RAB40B: variants seen among roughly 807,000 people sequenced by gnomAD.
RAB40B encodes RAB40B, member RAS oncogene family.
A neutral mutation model predicts 24.0 loss-of-function variants in RAB40B; 21 were observed. The ratio of observed to expected loss-of-function variants is 0.88; its 90% CI spans 0.62 to 1.26. The LOEUF (loss-of-function observed/expected upper bound fraction) is 1.26, where lower values mean the gene tolerates loss of function less well. RAB40B is among the 50% of genes most tolerant of loss of function. The probability of loss-of-function intolerance (pLI) is 0.00; values close to 1 mark genes in which losing one functional copy is unlikely to be tolerated. For synonymous variants in RAB40B, 167 were observed against 169.8 expected (o/e 0.98, Z 0.13); for missense variants, 348 against 390.5 (o/e 0.89, Z 0.92).
chr17:82,660,107 G>A (rs1164864840), intron 3 of RAB40B, among the ~76,000 whole-genome samples: 1 of 149,056 alleles, frequency 6.7e-6, no homozygotes, highest in African/African-American at 2.5e-5. Context: ...CACAGACACA[G>A]TGCACATACC....
At chr17:82,673,538 T>C (rs112673604) in intron 1 of RAB40B, among the ~76,000 whole-genome samples, 69 of 152,280 alleles carry the variant, frequency 4.5e-4, no homozygotes, top group Non-Finnish European at 7.6e-4. Context: ...CGTCTGAAAA[T>C]GTCTTTAGGC....
At position 82,661,110 on chromosome 17, in the gene RAB40B, G is replaced by T. The variant is rs1386075564; in HGVS notation, c.204-63C>A. 1.7e-5 allele frequency: 26 copies of T among 1,571,132 alleles called. No homozygotes were observed. In the Admixed American group the frequency reaches 4.2e-4, roughly 26 times the overall value. On this transcript the variant is annotated intron_variant, in intron 2 of 5. Transcript: ENST00000571995. ...TGCTTCTTCCTGACAACAGGTTCTG[G>T]AACTTCAGAGCCACAGCAAGTGCAC...
chr17:82,674,277 TGC>T (rs1469227556), intron 1 of RAB40B, among the ~76,000 whole-genome samples: 1 of 150,954 alleles, frequency 6.6e-6, no homozygotes, highest in African/African-American at 2.4e-5. Flanking sequence ...AGGCGGAGGT[TGC>T]AGTGAGCCAA....
chr17:82,660,814 T>C (rs905831787), intron 3 of RAB40B, among the ~76,000 whole-genome samples, 173 bp downstream of exon 3: 3 of 152,224 alleles, frequency 2.0e-5, no homozygotes, highest in African/African-American at 7.2e-5. Context: ...ACTGATGAAG[T>C]CTTTCAAACA....
rs906668979 is a variant in RAB40B, at chr17:82,656,645, C to T, written c.*1218G>A. On this transcript the variant is annotated 3_prime_UTR_variant, in exon 6 of 6. Coordinates refer to ENST00000571995, the MANE Select transcript of RAB40B (RefSeq NM_006822.3). ...CAGTTCAAGGATTCAGCCTTGTTGCCAGTGTCGTGTATTAGCTCCGATATG... is the reference window on the plus strand; with the variant it reads ...CAGTTCAAGGATTCAGCCTTGTTGCTAGTGTCGTGTATTAGCTCCGATATG... 6.6e-6 allele frequency: 1 copy of T among 152,260 alleles called. No homozygotes were observed. Among genetic ancestry groups the T allele is most frequent in the Middle Eastern group, 3.2e-3 (1 of 316 alleles). 9.4% of individuals were successfully genotyped at this position (152,260 alleles called of 1,614,324 possible). A position where few individuals can be genotyped will look rare whatever the true frequency, so the allele number is the denominator to read the frequency against.
At chr17:82,683,316 C>G (rs1417826028) in intron 1 of RAB40B, among the ~76,000 whole-genome samples, 4 of 152,094 alleles carry the variant, frequency 2.6e-5, no homozygotes, top group Admixed American at 1.3e-4. Context: ...AACTGATCAA[C>G]TGGATTTCTT....
chr17:82,657,960 G>A lies in RAB40B; in HGVS notation c.740C>T (p.Ser247Phe), dbSNP rs768754845. 6.2e-7 allele frequency: 1 copy of A among 1,614,176 alleles called. No individual in the cohort carries two copies. Among genetic ancestry groups the A allele is most frequent in the Non-Finnish European group, 8.5e-7 (1 of 1,180,034 alleles). The stretch of plus-strand genomic sequence containing the variant: ...GCGGAGGCTGCTCCTTTTGTGGGTG[G>A]AGCTGGTGGTGAGGGAGTAGGAACC... ...HGGSYSLTTS[S>F]THKRSSLRKV... The change falls in exon 6 of 6, where the codon TCC becomes TTC. Residue 247 changes from serine (S) to phenylalanine (F), a missense_variant. Physicochemically the swap from Ser to Phe is radical, Grantham distance 155. Around this residue, in one of 3 missense-constraint regions of RAB40B, gnomAD observed 121 missense variants for 124.0 expected, o/e 0.98. Transcript: ENST00000571995.
In RAB40B at chr17:82,697,082, C is replaced by T. The variant is rs192710688; in HGVS notation, c.142+1373G>A. Among the ~76,000 whole-genome samples, 466 of 152,224 alleles carry T rather than the reference C, an allele frequency of 3.1e-3. 1 individual carries two copies. Among genetic ancestry groups the T allele is most frequent in the African/African-American group, 0.01 (436 of 41,534 alleles). Reference sequence around the variant, plus strand: ...CTGCACCCACCAGCTGCCAGAGACTCCCCCGCATGCTGCAGTTTCAGGAGG... The same window carrying T: ...CTGCACCCACCAGCTGCCAGAGACTTCCCCGCATGCTGCAGTTTCAGGAGG... On this transcript the variant is annotated intron_variant, in intron 1 of 5. Transcript: ENST00000571995. This position sits in a 1 kb window ranked among gnomAD's most constrained non-coding sequence, Gnocchi z 4.9.
chr17:82,658,277 C>T lies in RAB40B; in HGVS notation c.566-143G>A, dbSNP rs1264942473. The T allele has an allele frequency of 1.3e-5, 16 of 1,215,090 alleles. No homozygotes were observed. The Admixed American group carries it at 1.6e-4, about 12-fold the overall frequency. The allele number at this position is 1,215,090 out of a possible 1,614,324, so 75.3% of individuals were successfully genotyped here. On this transcript the variant is annotated intron_variant, in intron 5 of 5. Transcript: ENST00000571995. ...CTTGTACATGCAGCAAGCCCTGCCG[C>T]GACGTCCCCTCTGCCCACGTACAGA...
At chr17:82,698,411 CGG>C (rs2143572756) in intron 1 of RAB40B, 42 bp downstream of exon 1, 7 of 1,224,268 alleles carry the variant, frequency 5.7e-6, no homozygotes, top group Non-Finnish European at 7.2e-6. Flanking sequence ...CGCCCCTCCC[CGG>C]CCCCGCGCCC....
chr17:82,672,068 A>ACACT (rs542754796), intron 1 of RAB40B, among the ~76,000 whole-genome samples: 237 of 2,074 alleles, frequency 0.11, 3 homozygotes, highest in Non-Finnish European at 0.12. Flanking sequence ...TCTAACACAC[A>ACACT]CACATGCTCC....
intron 1 of RAB40B, among the ~76,000 whole-genome samples, chr17:82,694,462 G>A (rs920447564): frequency 6.6e-6 from 1 of 151,552 alleles, no homozygotes; most frequent in Non-Finnish European, 1.5e-5. Context: ...AACCTGGGAG[G>A]TGGAGGTTGC....
rs748537178 is a variant in RAB40B at position 82,663,455 on chromosome 17, G to C, written c.203+1041C>G. 6.6e-6 allele frequency among the ~76,000 whole-genome samples: 1 copy of C among 152,106 alleles called. No individual in the cohort carries two copies. On this transcript the variant is annotated intron_variant, in intron 2 of 5. Transcript: ENST00000571995. The surrounding 1 kb of genome is among the most constrained non-coding windows in gnomAD (Gnocchi z 6.2). ...TCCCCACCGCCCCAGAGCTGGAACC[G>C]CAGGAGCTCCCCCCATCCCAAGCCA...
At chr17:82,664,005 C>T (rs1456518214) in intron 2 of RAB40B, among the ~76,000 whole-genome samples, 2 of 129,622 alleles carry the variant, frequency 1.5e-5, no homozygotes, top group East Asian at 2.4e-4. Context: ...AGGGTGTTCC[C>T]GGGGGCGCTG....
rs1183184249 is a variant in RAB40B, at chr17:82,657,715, T to C, written c.*148A>G. 5.2e-6 allele frequency: 5 copies of C among 968,188 alleles called. No individual in the cohort carries two copies. Among genetic ancestry groups the C allele is most frequent in the South Asian group, 5.2e-5 (4 of 77,590 alleles). The allele number at this position is 968,188 out of a possible 1,614,324, so 60.0% of individuals were successfully genotyped here. A position where few individuals can be genotyped will look rare whatever the true frequency, so the allele number is the denominator to read the frequency against. ...AGAAATTCGAAGTCCGACGGGGTAG[T>C]GTGTTTCCATCACACGGAAGGCGTC... On this transcript the variant is annotated 3_prime_UTR_variant, in exon 6 of 6. Transcript: ENST00000571995.
In RAB40B at chr17:82,658,051, C is replaced by A. The variant is rs976072776; in HGVS notation, c.649G>T (p.Ala217Ser). Residue 217 changes from alanine to serine, a missense_variant, in exon 6 of 6, where the codon GCC becomes TCC. By Grantham distance (99) the Ala-to-Ser change is moderately conservative. Transcript: ENST00000571995. Reference protein sequence around the residue: ...HLVDKLPLPIALRSHLKSFSM... With the variant: ...HLVDKLPLPISLRSHLKSFSM... ...AAGGACTTGAGGTGGCTTCTTAAGG[C>A]AATGGGGAGCGGGAGCTTGTCCACC... The A allele has an allele frequency of 2.5e-6, 4 of 1,614,212 alleles. No homozygotes were observed. The highest frequency in any genetic ancestry group is 3.4e-6 in the Non-Finnish European group (4 of 1,180,048).
At chr17:82,674,079 G>T (rs977717192) in intron 1 of RAB40B, among the ~76,000 whole-genome samples, 2 of 152,212 alleles carry the variant, frequency 1.3e-5, no homozygotes, top group Admixed American at 6.5e-5. Flanking sequence ...GGTGGCTCGC[G>T]CCTGTAATCC....
intron 2 of RAB40B, among the ~76,000 whole-genome samples, chr17:82,662,970 C>T (rs1162607671): frequency 1.3e-5 from 2 of 151,576 alleles, no homozygotes; most frequent in Non-Finnish European, 2.9e-5. Context: ...GGAGTGGTCT[C>T]GGGGAGGGAG....
chr17:82,690,226 G>A (rs532226299), intron 1 of RAB40B, among the ~76,000 whole-genome samples: 15 of 151,748 alleles, frequency 9.9e-5, no homozygotes, highest in South Asian at 2.1e-4. Flanking sequence ...AGAATTGGAG[G>A]GAGCACGGAG....
Sources: allele counts gnomAD v4.1 joint callset (sites outside exome capture counted in the v4.1 genomes callset), GRCh38; gene constraint gnomAD v4.1.1; regional missense constraint gnomAD v4.1.1; non-coding constraint Gnocchi (gnomAD v3.1); transcripts MANE v1.5; gene names NCBI Gene and HGNC (gene_info 2026-07-23, HGNC 2026-07-21).